The following DHX30 variants were observed in gnomAD, a reference collection of about 807,000 sequenced individuals.
The protein encoded by DHX30 is DExH-box helicase 30, also known as ATP-dependent RNA helicase DHX30.
In DHX30, 4 loss-of-function variants were observed where a neutral mutation model predicts 116.9. The ratio of observed to expected loss-of-function variants is 0.03; its 90% CI spans 0.02 to 0.08. The LOEUF is 0.08. Ranked by LOEUF, DHX30 falls within the 10% of genes least tolerant of loss-of-function variation. The pLI is 1.00. For missense variants in DHX30, 871 were observed against 1,595.1 expected, an observed-to-expected ratio of 0.55 and a Z score of 7.73; for synonymous variants, 697 against 651.7, an observed-to-expected ratio of 1.07 and a Z score of -1.06.
chr3:47,826,444 C>CTT lies in DHX30; in HGVS notation c.125-886_125-885dup, dbSNP rs978485673. 8.6e-4 allele frequency among the ~76,000 whole-genome samples: 115 copies of CTT among 133,932 alleles called. 1 individual carries two copies. Among genetic ancestry groups the CTT allele is most frequent in the African/African-American group, 2.8e-3 (104 of 36,740 alleles). The allele number at this position is 133,932 out of a possible 152,430, so 87.9% of individuals were successfully genotyped here. ...CTGCTCAGATGTAGAGGTTTTCTTT[C>CTT]TTTTTTTTTTTTTTTTTTGAGATGG... On this transcript the variant is annotated intron_variant, in intron 4 of 21. Coordinates refer to ENST00000445061, the MANE Select transcript of DHX30 (RefSeq NM_138615.3).
At chr3:47,825,252 G>A in intron 4 of DHX30, 1 of 585,416 alleles carries the variant, frequency 1.7e-6, no homozygotes, top group Non-Finnish European at 3.0e-6. Flanking sequence ...TGAACGGTGA[G>A]GGCATCGGCG....
At chr3:47,828,444 C>G (rs1166895146) in intron 5 of DHX30, among the ~76,000 whole-genome samples, 1 of 127,448 alleles carries the variant, frequency 7.8e-6, no homozygotes, top group Admixed American at 9.6e-5. Flanking sequence ...TGGGCAACAG[C>G]GTGAGATCCT....
Position 47,849,310 on chromosome 3 carries a change from G to A in DHX30, c.3048G>A (p.Lys1016=). ...ACAGTGAGGAGGAGGAGCTGGTGAA[G>A]GGCGTGCTGATGGCCGGCCTCTACC... The part of the protein sequence containing the change: ...NEYSEEEELV[K]GVLMAGLYPN... The change falls in exon 19 of 22, where the codon AAG becomes AAA. Residue 1016 remains lysine (K), a synonymous_variant. Transcript: ENST00000445061. 6.2e-7 allele frequency: 1 copy of A among 1,614,060 alleles called. No individual in the cohort carries two copies. Among genetic ancestry groups the A allele is most frequent in the Non-Finnish European group, 8.5e-7 (1 of 1,180,000 alleles).
At chr3:47,824,234 C>A (rs911627439) in intron 4 of DHX30, among the ~76,000 whole-genome samples, 2 of 152,054 alleles carry the variant, frequency 1.3e-5, no homozygotes, top group African/African-American at 2.4e-5. Context: ...AACTCCTGAC[C>A]TCAGGTGATC....
At position 47,849,676 on chromosome 3, in the gene DHX30, G is replaced by A. The variant is rs2107178075; in HGVS notation, c.3238G>A (p.Val1080Ile). ...CCGATGGCTGACGTATTTCATGGCAGTCAAGTCCAATGGCAGCGTCTTCGT... is the reference window on the plus strand; with the variant it reads ...CCGATGGCTGACGTATTTCATGGCAATCAAGTCCAATGGCAGCGTCTTCGT... ...RSRWLTYFMA[V>I]KSNGSVFVRD... Residue 1080 changes from valine (V) to isoleucine (I), a missense_variant, in exon 21 of 22, where the codon GTC becomes ATC. Physicochemically the swap from Val to Ile is conservative, Grantham distance 29. This residue lies in a region of DHX30 where 238 missense variants were observed against 481.0 expected (regional missense o/e 0.49). Transcript: ENST00000445061. 1.2e-6 allele frequency: 2 copies of A among 1,614,228 alleles called. No homozygotes were observed. Among genetic ancestry groups the A allele is most frequent in the East Asian group, 2.2e-5 (1 of 44,890 alleles).
chr3:47,808,023 G>C (rs1420213135), intron 2 of DHX30, among the ~76,000 whole-genome samples: 1 of 151,888 alleles, frequency 6.6e-6, no homozygotes, highest in Non-Finnish European at 1.5e-5. Flanking sequence ...TGATTCTCCT[G>C]CCTCAGCCTC....
chr3:47,805,485 G>C (rs1005396451), intron 2 of DHX30, 65 bp downstream of exon 2: 1 of 398,526 alleles, frequency 2.5e-6, no homozygotes, highest in African/African-American at 2.1e-5. Flanking sequence ...TGTAAAACAA[G>C]AGGTATGTGT....
intron 5 of DHX30, among the ~76,000 whole-genome samples, chr3:47,828,684 T>C (rs754473359): frequency 1.3e-5 from 2 of 150,740 alleles, no homozygotes; most frequent in African/African-American, 4.9e-5. Flanking sequence ...GGCAGGAGAA[T>C]GGCGTGAGGC....
intron 6 of DHX30, among the ~76,000 whole-genome samples, chr3:47,839,832 C>T (rs924392780): frequency 1.3e-5 from 2 of 151,620 alleles, no homozygotes; most frequent in East Asian, 1.9e-4. Context: ...CCCACCACCA[C>T]GCCCGGCTAA....
chr3:47,835,070 C>T (rs1421861024), intron 6 of DHX30, among the ~76,000 whole-genome samples: 2 of 152,002 alleles, frequency 1.3e-5, no homozygotes, highest in Non-Finnish European at 2.9e-5. Flanking sequence ...GCAGCGCGAT[C>T]TCGGCTTACT....
rs764277096 is a variant in DHX30, at chr3:47,846,817, A to G, written c.1745A>G (p.Asn582Ser). Residue 582 changes from asparagine (N) to serine (S), a missense_variant, in exon 11 of 22, where the codon AAC (asparagine) becomes AGC (serine). By Grantham distance (46) the Asn-to-Ser change is conservative. Coordinates refer to ENST00000445061, the MANE Select transcript of DHX30 (RefSeq NM_138615.3). ...LILLKGLQRL[N>S]PALRLVLMSA... ...CTGCTCAAGGGCCTGCAGCGGCTCA[A>G]CCCGGCCCTGCGGCTGGTGCTCATG... 30 of 1,613,212 alleles carry G rather than the reference A, an allele frequency of 1.9e-5. No individual in the cohort carries two copies. Among genetic ancestry groups the G allele is most frequent in the Non-Finnish European group, 2.3e-5 (27 of 1,179,856 alleles).
intron 3 of DHX30, among the ~76,000 whole-genome samples, chr3:47,812,055 C>T (rs973090112): frequency 9.7e-6 from 1 of 103,234 alleles, no homozygotes; most frequent in Admixed American, 1.2e-4. Flanking sequence ...CAGAGCAAGA[C>T]TCAGTCTCAA....
chr3:47,845,559 C>A, intron 9 of DHX30, 141 bp from the exon 10 acceptor site: 1 of 872,002 alleles, frequency 1.1e-6, no homozygotes, highest in Non-Finnish European at 1.6e-6. Flanking sequence ...ATAATTTCTC[C>A]CTCCATCACC....
chr3:47,803,446 G>A (rs1419774317), intron 1 of DHX30, among the ~76,000 whole-genome samples: 1 of 152,162 alleles, frequency 6.6e-6, no homozygotes, highest in African/African-American at 2.4e-5. Flanking sequence ...AGCCCGGGCG[G>A]GGGCGGGGGC....
chr3:47,806,606 T>C (rs2035537692), intron 2 of DHX30, among the ~76,000 whole-genome samples: 2 of 151,992 alleles, frequency 1.3e-5, no homozygotes, highest in Admixed American at 6.6e-5. Flanking sequence ...CCACCACGCC[T>C]GGCTAATTTT....
chr3:47,829,991 C>G (rs962030023), intron 6 of DHX30, among the ~76,000 whole-genome samples: 2 of 151,428 alleles, frequency 1.3e-5, no homozygotes, highest in Non-Finnish European at 2.9e-5. Context: ...GCCACCATGC[C>G]CGACTAATTT....
Position 47,848,257 on chromosome 3 carries a change from C to G in DHX30, c.2364C>G (p.Ser788=). 6.2e-7 allele frequency: 1 copy of G among 1,613,686 alleles called. No homozygotes were observed. The stretch of plus-strand genomic sequence containing the variant: ...GGGGCCGGGCGGGCCGCTGCCAGTC[C>G]GGCTTTGCCTACCACTTGTTCCCTC... ...QRRGRAGRCQ[S]GFAYHLFPRS... is the part of the protein sequence containing the mutation. The change falls in exon 15 of 22, where the codon TCC becomes TCG. Residue 788 remains serine (S), a synonymous_variant. Coordinates refer to ENST00000445061, the MANE Select transcript of DHX30 (RefSeq NM_138615.3). The surrounding 1 kb of genome is among the most constrained non-coding windows in gnomAD (Gnocchi z 9.4).
rs558490551 is a variant in DHX30 at position 47,827,956 on chromosome 3, T to A, written c.255+479T>A. On this transcript the variant is annotated intron_variant, in intron 5 of 21. Coordinates refer to ENST00000445061, the MANE Select transcript of DHX30 (RefSeq NM_138615.3). ...TCACAGTAACCTCAAACTCCTGGGA[T>A]CAAGTGATCCTCCCGCCTCAGCCTC... Among the ~76,000 whole-genome samples the A allele has an allele frequency of 1.3e-4, 20 of 152,146 alleles. No homozygotes were observed. The South Asian group carries it at 4.1e-3, about 32-fold the overall frequency.
chr3:47,842,493 CTG>C (rs2037423945), intron 8 of DHX30: 1 of 152,448 alleles, frequency 6.6e-6, no homozygotes, highest in African/African-American at 2.4e-5. Flanking sequence ...GTTTATCACT[CTG>C]TAACCATTTT....
Sources: allele counts gnomAD v4.1 joint callset (sites outside exome capture counted in the v4.1 genomes callset), GRCh38; gene constraint gnomAD v4.1.1; regional missense constraint gnomAD v4.1.1; non-coding constraint Gnocchi (gnomAD v3.1); transcripts MANE v1.5; gene names NCBI Gene and HGNC (gene_info 2026-07-23, HGNC 2026-07-21).